Variants in ELP4 observed in about 807,000 individuals in gnomAD.
ELP4 encodes the protein elongator complex protein 4.
In ELP4, 51 loss-of-function variants were observed where a neutral mutation model predicts 48.9. That is an observed-to-expected ratio of 1.04 (90% confidence interval 0.83 to 1.32). ELP4 has a LOEUF of 1.32. Among genes scored for constraint, ELP4 ranks in the 40% most tolerant of loss-of-function variants. The pLI is 0.00. For synonymous variants in ELP4, 210 were observed against 189.2 expected (o/e 1.11, Z -0.90); for missense variants, 519 against 514.6 (o/e 1.01, Z -0.08).
At chr11:31,768,578 A>G (rs1186360665) in intron 9 of ELP4, among the ~76,000 whole-genome samples, 1 of 152,348 alleles carries the variant, frequency 6.6e-6, no homozygotes. Context: ...CAATTTGACA[A>G]AGATAAAACA....
chr11:31,751,584 C>A (rs867721508), intron 9 of ELP4, among the ~76,000 whole-genome samples: 3 of 152,118 alleles, frequency 2.0e-5, no homozygotes, highest in African/African-American at 7.2e-5. Flanking sequence ...AGACACTCAA[C>A]AAATATTTTT....
intron 9 of ELP4, among the ~76,000 whole-genome samples, chr11:31,766,946 T>G (rs1040955619): frequency 3.9e-5 from 6 of 152,172 alleles, no homozygotes; most frequent in African/African-American, 1.4e-4. Flanking sequence ...ACTCATTTTT[T>G]CATCATTTAT....
intron 1 of ELP4, among the ~76,000 whole-genome samples, chr11:31,518,176 G>A (rs1364546030): frequency 1.4e-5 from 2 of 146,446 alleles, no homozygotes; most frequent in African/African-American, 2.5e-5. Flanking sequence ...GTGCAATCTC[G>A]GCTCAGTGCG....
chr11:31,734,662 C>T (rs879617213), intron 9 of ELP4, among the ~76,000 whole-genome samples: 2 of 151,834 alleles, frequency 1.3e-5, no homozygotes, highest in Admixed American at 6.6e-5. Context: ...ACCAAGAAGG[C>T]AAAAGTATTG....
chr11:31,780,967 A>T (rs1357772705), intron 9 of ELP4, among the ~76,000 whole-genome samples: 2 of 152,168 alleles, frequency 1.3e-5, no homozygotes, highest in Non-Finnish European at 2.9e-5. Flanking sequence ...CCTACCCCAT[A>T]AAGCTTTTTC....
chr11:31,638,804 G>T (rs146479217), intron 7 of ELP4, among the ~76,000 whole-genome samples: 2 of 151,864 alleles, frequency 1.3e-5, no homozygotes, highest in South Asian at 4.1e-4. Flanking sequence ...GCAATGGACC[G>T]CTTTAGAACT....
intron 3 of ELP4, among the ~76,000 whole-genome samples, chr11:31,576,848 A>G (rs897895979): frequency 1.3e-5 from 2 of 152,104 alleles, no homozygotes; most frequent in Non-Finnish European, 2.9e-5. Context: ...AGGAAAGACC[A>G]AAAACTGACA....
chr11:31,559,108 A>G lies in ELP4; in HGVS notation c.381+19325A>G, dbSNP rs1274017565. On this transcript the variant is annotated intron_variant, in intron 3 of 9. Transcript: ENST00000640961. ...GATGCCACGAAAGGAAAAAGGCAGCACACTGTCAAGGGTCAAATTAAATAG... is the reference window on the plus strand; with the variant it reads ...GATGCCACGAAAGGAAAAAGGCAGCGCACTGTCAAGGGTCAAATTAAATAG... 2.6e-5 allele frequency among the ~76,000 whole-genome samples: 4 copies of G among 152,344 alleles called. No individual in the cohort carries two copies. The East Asian group carries it at 7.7e-4, about 29-fold the overall frequency.
At chr11:31,662,556 C>T (rs1032764627) in intron 9 of ELP4, 1 of 397,662 alleles carries the variant, frequency 2.5e-6, no homozygotes, top group Non-Finnish European at 4.4e-6. Context: ...TTACGACCTG[C>T]GAAGGCAAAG....
chr11:31,522,229 G>A (rs1178906749), intron 2 of ELP4, among the ~76,000 whole-genome samples: 1 of 152,162 alleles, frequency 6.6e-6, no homozygotes, highest in Non-Finnish European at 1.5e-5. Context: ...AATAAAGAAT[G>A]TCTGAAGGTG....
rs570842833 is a variant in ELP4 at position 31,619,588 on chromosome 11, G to A, written c.654-7522G>A. On this transcript the variant is annotated intron_variant, in intron 5 of 9. Transcript: ENST00000640961. Reference sequence around the variant, plus strand: ...GTTCCCATGGACCTCTTTTAAGACAGTGTTAATCTAATTTATGAGTGCTCC... The same window carrying A: ...GTTCCCATGGACCTCTTTTAAGACAATGTTAATCTAATTTATGAGTGCTCC... Among the ~76,000 whole-genome samples, 4 of 151,828 alleles carry A rather than the reference G, an allele frequency of 2.6e-5. No individual in the cohort carries two copies. The East Asian group carries it at 7.8e-4, about 29-fold the overall frequency.
intron 9 of ELP4, among the ~76,000 whole-genome samples, chr11:31,684,681 G>A (rs1946126218): frequency 6.6e-6 from 1 of 152,094 alleles, no homozygotes; most frequent in Non-Finnish European, 1.5e-5. Flanking sequence ...AGTGCAGATG[G>A]GGAAGGATGT....
intron 2 of ELP4, among the ~76,000 whole-genome samples, chr11:31,521,782 T>G (rs973302713): frequency 8.5e-5 from 13 of 152,172 alleles, no homozygotes; most frequent in African/African-American, 1.2e-4. Flanking sequence ...CATCTTCAGT[T>G]GTACAGTATT....
chr11:31,623,390 T>TATATATATAAATATATATATAA (rs67986763), intron 5 of ELP4, among the ~76,000 whole-genome samples: 78 of 92,566 alleles, frequency 8.4e-4, no homozygotes, highest in African/African-American at 2.6e-3. Context: ...TATATATATA[T>TATATATATAAATATATATATAA]AAAACTAGAA....
chr11:31,647,691 T>C lies in ELP4; in HGVS notation c.928-50T>C, dbSNP rs7102844. 6,776 of 1,090,696 alleles carry C rather than the reference T, an allele frequency of 6.2e-3. 282 individuals carry two copies. In the African/African-American group the frequency reaches 0.094, roughly 15 times the overall value. 67.6% of individuals were successfully genotyped at this position (1,090,696 alleles called of 1,614,324 possible). A position where few individuals can be genotyped will look rare whatever the true frequency, so the allele number is the denominator to read the frequency against. ...GCATAGGGATATTTTATAGATATTATACTATTAACATAATATTTAACGTTA... is the reference window on the plus strand; with the variant it reads ...GCATAGGGATATTTTATAGATATTACACTATTAACATAATATTTAACGTTA... On this transcript the variant is annotated intron_variant, in intron 7 of 9. Coordinates refer to ENST00000640961, the MANE Select transcript of ELP4 (RefSeq NM_019040.5).
intron 6 of ELP4, among the ~76,000 whole-genome samples, chr11:31,628,787 TTTC>T (rs1944800375): frequency 6.6e-6 from 1 of 152,034 alleles, no homozygotes; most frequent in South Asian, 2.1e-4. Flanking sequence ...TATAATGAGT[TTTC>T]TTATCTTTAA....
intron 9 of ELP4, among the ~76,000 whole-genome samples, chr11:31,776,937 C>CTG (rs1948259915): frequency 6.6e-6 from 1 of 152,108 alleles, no homozygotes; most frequent in South Asian, 2.1e-4. Context: ...CAGCTGCTAC[C>CTG]AAATGTACAC....
At chr11:31,709,116 A>G (rs1023722708) in intron 9 of ELP4, among the ~76,000 whole-genome samples, 4 of 152,096 alleles carry the variant, frequency 2.6e-5, no homozygotes, top group African/African-American at 9.7e-5. Context: ...TATTTTTGGT[A>G]TTTGAGTCAA....
intron 6 of ELP4, chr11:31,628,408 C>A (rs1483670809): frequency 6.8e-6 from 1 of 146,998 alleles, no homozygotes; most frequent in Non-Finnish European, 1.5e-5. Context: ...TTATAGAATC[C>A]CAAAAGCAAA....
Sources: gnomAD v4.1 joint callset for allele counts (sites outside exome capture counted in the v4.1 genomes callset) on GRCh38, gnomAD v4.1.1 for gene constraint, MANE v1.5 for transcripts, NCBI Gene and HGNC (gene_info 2026-07-23, HGNC 2026-07-21) for gene names.